Variants in SLC28A3 observed in about 807,000 individuals in gnomAD.
SLC28A3 encodes concentrative Na(+)-nucleoside cotransporter 3.
Under a neutral mutation model 84.2 loss-of-function variants are expected in SLC28A3, and 68 were observed. That is an observed-to-expected ratio of 0.81 (90% CI 0.66 to 0.99). The LOEUF (loss-of-function observed/expected upper bound fraction) is 0.99. Ranked by LOEUF, SLC28A3 falls within the 50% of genes least tolerant of loss-of-function variation. The pLI, the probability that SLC28A3 is intolerant of heterozygous loss-of-function variation, is 0.00. For synonymous variants in SLC28A3, 267 were observed against 303.6 expected, an observed-to-expected ratio of 0.88 and a Z score of 1.25; for missense variants, 712 against 841.5, an observed-to-expected ratio of 0.85 and a Z score of 1.90.
intron 1 of SLC28A3, among the ~76,000 whole-genome samples, chr9:84,336,048 G>C (rs1320654011): frequency 6.7e-6 from 1 of 149,178 alleles, no homozygotes; most frequent in Non-Finnish European, 1.5e-5. Context: ...ACTTTCAATG[G>C]GGCCACCAAA....
intron 1 of SLC28A3, among the ~76,000 whole-genome samples, chr9:84,335,284 C>T (rs1826932443): frequency 6.6e-6 from 1 of 152,166 alleles, no homozygotes; most frequent in Non-Finnish European, 1.5e-5. Context: ...TGAGGTGGCT[C>T]ACACCTGTAA....
intron 8 of SLC28A3, 100 bp from the exon 9 acceptor site, chr9:84,294,375 A>T: frequency 1.8e-6 from 2 of 1,088,730 alleles, no homozygotes; most frequent in Non-Finnish European, 2.7e-6. Context: ...CCTCTGAAAC[A>T]TCATAAAAAT....
intron 4 of SLC28A3, among the ~76,000 whole-genome samples, chr9:84,302,676 C>T (rs1825675713): frequency 6.6e-6 from 1 of 152,106 alleles, no homozygotes. Context: ...AATCATTGGG[C>T]CTCTAAGTAC....
chr9:84,314,541 A>C (rs1165438220), intron 1 of SLC28A3, among the ~76,000 whole-genome samples: 1 of 152,226 alleles, frequency 6.6e-6, no homozygotes, highest in Non-Finnish European at 1.5e-5. Context: ...CAAATATTGC[A>C]ATTCCAAGTT....
At chr9:84,282,659 T>C (rs957619001) in intron 14 of SLC28A3, among the ~76,000 whole-genome samples, 2 of 152,204 alleles carry the variant, frequency 1.3e-5, no homozygotes, top group African/African-American at 4.8e-5. Flanking sequence ...TTTTCCTCAG[T>C]TTGAGGACTG....
chr9:84,341,537 T>C (rs1827158380), upstream of SLC28A3, among the ~76,000 whole-genome samples: 1 of 152,218 alleles, frequency 6.6e-6, no homozygotes, highest in Admixed American at 6.5e-5. Flanking sequence ...ATTTGTTTAG[T>C]GTCATTTAGC....
intron 5 of SLC28A3, 35 bp from the exon 6 acceptor site, chr9:84,299,760 T>G: frequency 6.4e-7 from 1 of 1,551,586 alleles, no homozygotes. Flanking sequence ...TGGCATCATT[T>G]GTTGTGCTAA....
chr9:84,304,575 C>T (rs927776352), intron 4 of SLC28A3, among the ~76,000 whole-genome samples: 2 of 152,102 alleles, frequency 1.3e-5, no homozygotes, highest in Non-Finnish European at 2.9e-5. Context: ...TTCAGGCAAG[C>T]GAGTGGGCTA....
At chr9:84,309,576 A>G in intron 3 of SLC28A3, 53 bp downstream of exon 3, 1 of 1,396,912 alleles carries the variant, frequency 7.2e-7, no homozygotes, top group East Asian at 2.3e-5. Flanking sequence ...AAACAAAGTA[A>G]TAAAACCAAA....
chr9:84,280,878 C>T lies in SLC28A3; in HGVS notation c.1652G>A (p.Arg551His), dbSNP rs747607766. ...AGCGTAAGTGGCGATTATCTCAGAA[C>T]GAATCTGTAAGCAAGCATAAACACA... Reference protein sequence around the residue: ...VNGVQQYISIRSEIIATYALC... With the variant: ...VNGVQQYISIHSEIIATYALC... The change falls in exon 15 of 18, where the codon CGT becomes CAT. Residue 551 changes from arginine (R) to histidine (H), a missense_variant. By Grantham distance (29) the Arg-to-His change is conservative (BLOSUM62 0). Coordinates refer to ENST00000376238, the MANE Select transcript of SLC28A3 (RefSeq NM_001199633.2). 5.6e-6 allele frequency: 9 copies of T among 1,613,870 alleles called. No individual in the cohort carries two copies. The highest frequency in any genetic ancestry group is 1.6e-4 in the Middle Eastern group (1 of 6,084).
At chr9:84,329,815 C>T (rs1272269922) in intron 1 of SLC28A3, among the ~76,000 whole-genome samples, 1 of 152,110 alleles carries the variant, frequency 6.6e-6, no homozygotes, top group Non-Finnish European at 1.5e-5. Flanking sequence ...GGGTGGATTG[C>T]TTGTACCCAG....
At chr9:84,343,175 C>T (rs1827197952), upstream of SLC28A3, among the ~76,000 whole-genome samples, 1 of 150,994 alleles carries the variant, frequency 6.6e-6, no homozygotes, top group Admixed American at 6.6e-5. Flanking sequence ...CAGAGCAAGA[C>T]TCCATCTCAA....
At chr9:84,301,373 A>G (rs1023511620) in intron 5 of SLC28A3, among the ~76,000 whole-genome samples, 1 of 147,942 alleles carries the variant, frequency 6.8e-6, no homozygotes, top group African/African-American at 2.6e-5. Flanking sequence ...AAAAAAAAAA[A>G]AGAAAAGGCT....
Position 84,302,240 on chromosome 9 carries a change from C to T in SLC28A3, c.484G>A (p.Gly162Ser). ...EHRIDEMLSP[G>S]RRLLNSHWFW... ...CAATGGCTGTTTAGAAGCCTTCTGC[C>T]AGGAGACAGCATCTCATCAATTCGA... Residue 162 changes from glycine to serine, a missense_variant, in exon 5 of 18, where the codon GGC becomes AGC. Physicochemically the swap from Gly to Ser is moderately conservative, Grantham distance 56. Coordinates refer to ENST00000376238, the MANE Select transcript of SLC28A3 (RefSeq NM_001199633.2). 6.2e-7 allele frequency: 1 copy of T among 1,614,130 alleles called. No homozygotes were observed. The highest frequency in any genetic ancestry group is 8.5e-7 in the Non-Finnish European group (1 of 1,180,020).
At chr9:84,314,795 T>A (rs1431171196) in intron 1 of SLC28A3, among the ~76,000 whole-genome samples, 2 of 152,196 alleles carry the variant, frequency 1.3e-5, no homozygotes, top group African/African-American at 4.8e-5. Context: ...AAATACAGCA[T>A]GGGCTGGGTG....
At chr9:84,368,492 C>T in the SLC28A3 span, among the ~76,000 whole-genome samples, 2 of 152,148 alleles carry the variant, frequency 1.3e-5, no homozygotes, top group Non-Finnish European at 2.9e-5. Context: ...AAGCGCTCTT[C>T]ATTTAGCAGA....
At chr9:84,332,463 T>C (rs1260637862) in intron 1 of SLC28A3, among the ~76,000 whole-genome samples, 2 of 152,134 alleles carry the variant, frequency 1.3e-5, no homozygotes, top group Non-Finnish European at 2.9e-5. Context: ...TAGGATGCAT[T>C]ATAAACTGAA....
At chr9:84,290,889 C>T (rs1434447649) in intron 10 of SLC28A3, among the ~76,000 whole-genome samples, 1 of 151,946 alleles carries the variant, frequency 6.6e-6, no homozygotes, top group Non-Finnish European at 1.5e-5. Flanking sequence ...AACAGGTGCC[C>T]GCAGGCCCTT....
chr9:84,296,775 T>G (rs925870493), intron 8 of SLC28A3, among the ~76,000 whole-genome samples: 2 of 152,236 alleles, frequency 1.3e-5, no homozygotes, highest in Non-Finnish European at 2.9e-5. Flanking sequence ...GTTGATGTGG[T>G]TGACCGGCTG....
Sources: allele counts gnomAD v4.1 joint callset (sites outside exome capture counted in the v4.1 genomes callset), GRCh38; gene constraint gnomAD v4.1.1; transcripts MANE v1.5; gene names NCBI Gene and HGNC (gene_info 2026-07-23, HGNC 2026-07-21).